Variants in CHRDL2 observed in about 807,000 individuals in gnomAD.
CHRDL2 encodes chordin-like protein 2.
CHRDL2 carries 41 observed loss-of-function variants against 54.3 expected under a neutral mutation model. The ratio of observed to expected loss-of-function variants is 0.76; its 90% confidence interval spans 0.59 to 0.98. The LOEUF is 0.98. CHRDL2 is among the 50% of genes least tolerant of loss of function. CHRDL2 has a pLI of 0.00. For synonymous variants in CHRDL2, 220 were observed against 224.3 expected (o/e 0.98, Z 0.17); for missense variants, 518 against 562.4 (o/e 0.92, Z 0.80).
Position 74,713,216 on chromosome 11 carries a change from C to T in CHRDL2, c.289+170G>A, listed in dbSNP as rs564740509. On this transcript the variant is annotated intron_variant, in intron 3 of 10. Coordinates refer to ENST00000376332, the MANE Select transcript of CHRDL2 (RefSeq NM_001278473.3). Reference sequence around the variant, plus strand: ...TAAGGACATGAAGTCTCTGCTACCCCAGCACTGCCTGGGGATCTGGGATAT... The same window carrying T: ...TAAGGACATGAAGTCTCTGCTACCCTAGCACTGCCTGGGGATCTGGGATAT... Among the ~76,000 whole-genome samples the T allele has an allele frequency of 2.6e-5, 4 of 152,338 alleles. No homozygotes were observed. In the East Asian group the frequency reaches 7.7e-4, roughly 29 times the overall value.
At chr11:74,702,281 C>T (rs2033843276) in intron 9 of CHRDL2, among the ~76,000 whole-genome samples, 1 of 151,664 alleles carries the variant, frequency 6.6e-6, no homozygotes, top group Non-Finnish European at 1.5e-5. Context: ...GAAAAAACTC[C>T]TCTTGACCTT....
chr11:74,711,070 TC>T, intron 3 of CHRDL2, 79 bp from the exon 4 acceptor site: 1 of 1,483,282 alleles, frequency 6.7e-7, no homozygotes, highest in East Asian at 2.3e-5. Context: ...AGGCCACTTT[TC>T]TGATGATTTT....
chr11:74,728,145 AG>A (rs2034599251), intron 1 of CHRDL2, among the ~76,000 whole-genome samples: 1 of 152,126 alleles, frequency 6.6e-6, no homozygotes, highest in East Asian at 1.9e-4. Flanking sequence ...AACCAAAGAG[AG>A]AATACTTTTT....
At chr11:74,722,683 C>A (rs1428046093) in intron 1 of CHRDL2, among the ~76,000 whole-genome samples, 2 of 152,174 alleles carry the variant, frequency 1.3e-5, no homozygotes, top group Non-Finnish European at 2.9e-5. Context: ...ATAGCACACA[C>A]TGAGGCCAAA....
At chr11:74,708,164 T>A in intron 5 of CHRDL2, 138 bp downstream of exon 5, 5 of 571,482 alleles carry the variant, frequency 8.7e-6, no homozygotes, top group Non-Finnish European at 1.2e-5. Context: ...GGGTGCAGGC[T>A]AAGCCACACC....
At position 74,696,489 on chromosome 11, in the gene CHRDL2, C is replaced by A; in HGVS notation, c.*20G>T. ...ATAACAACAATTATACAGCTCATAT[C>A]TGCAACTGTTAGGTCTTTGTTATGT... On this transcript the variant is annotated 3_prime_UTR_variant, in exon 11 of 11. Coordinates refer to ENST00000376332, the MANE Select transcript of CHRDL2 (RefSeq NM_001278473.3). The A allele has an allele frequency of 6.3e-7, 1 of 1,590,460 alleles. No individual in the cohort carries two copies. Among genetic ancestry groups the A allele is most frequent in the Non-Finnish European group, 8.6e-7 (1 of 1,158,506 alleles).
chr11:74,718,620 A>C, intron 2 of CHRDL2, 100 bp downstream of exon 2: 1 of 753,194 alleles, frequency 1.3e-6, no homozygotes, highest in African/African-American at 1.8e-5. Flanking sequence ...TGCCGCTGAC[A>C]GCACAGTTCT....
chr11:74,722,457 TC>T, intron 1 of CHRDL2, among the ~76,000 whole-genome samples: 1 of 152,296 alleles, frequency 6.6e-6, no homozygotes, highest in South Asian at 2.1e-4. Flanking sequence ...CTAATAACAA[TC>T]TTTACCTCTC....
At chr11:74,709,381 C>G (rs1199368384) in intron 4 of CHRDL2, among the ~76,000 whole-genome samples, 1 of 152,222 alleles carries the variant, frequency 6.6e-6, no homozygotes, top group Non-Finnish European at 1.5e-5. Flanking sequence ...CACTTACTAG[C>G]TGTGTGATCT....
intron 1 of CHRDL2, 67 bp from the exon 2 acceptor site, chr11:74,718,899 CCTT>C: frequency 3.1e-6 from 3 of 970,022 alleles, no homozygotes; most frequent in East Asian, 2.6e-5. Flanking sequence ...TCTCATTTCT[CCTT>C]CTTTCTAGCT....
At chr11:74,716,094 T>C (rs2034342986) in intron 2 of CHRDL2, among the ~76,000 whole-genome samples, 1 of 152,212 alleles carries the variant, frequency 6.6e-6, no homozygotes, top group Non-Finnish European at 1.5e-5. Context: ...ATTTGTGTTA[T>C]GAACTGGGAG....
chr11:74,702,559 C>T (rs1022198251), intron 9 of CHRDL2, among the ~76,000 whole-genome samples: 4 of 152,198 alleles, frequency 2.6e-5, no homozygotes, highest in African/African-American at 2.4e-5. Flanking sequence ...GCGCCTTCCC[C>T]CCAGGAGAGG....
At chr11:74,714,002 C>A (rs779602594) in intron 2 of CHRDL2, among the ~76,000 whole-genome samples, 2 of 152,106 alleles carry the variant, frequency 1.3e-5, no homozygotes, top group Non-Finnish European at 2.9e-5. Flanking sequence ...GGAGTTGGCA[C>A]CAGAGAAGGA....
rs760627798 is a variant in CHRDL2, at chr11:74,708,316, C to T, written c.512G>A (p.Cys171Tyr). The change falls in exon 5 of 11, where the codon TGC becomes TAC. Residue 171 changes from cysteine to tyrosine, a missense_variant. Coordinates refer to ENST00000376332, the MANE Select transcript of CHRDL2 (RefSeq NM_001278473.3). ...PAPLPLPDSC[C>Y]QACKDEASEQ... ...GACAGACTCACCTTTGCAGGCCTGG[C>T]AGCAGGAGTCTGGCAGCGGGAGGGG... 1 of 1,576,390 alleles carries T rather than the reference C, an allele frequency of 6.3e-7. No individual in the cohort carries two copies. Among genetic ancestry groups the T allele is most frequent in the Middle Eastern group, 1.9e-4 (1 of 5,348 alleles).
chr11:74,712,882 G>C (rs2034241041), intron 3 of CHRDL2, among the ~76,000 whole-genome samples: 1 of 152,098 alleles, frequency 6.6e-6, no homozygotes, highest in Non-Finnish European at 1.5e-5. Flanking sequence ...TTAAAATCAT[G>C]GAATCATAGA....
chr11:74,713,555 C>T (rs2034263180), intron 2 of CHRDL2, 76 bp from the exon 3 acceptor site: 1 of 1,116,458 alleles, frequency 9.0e-7, no homozygotes, highest in South Asian at 1.4e-5. Flanking sequence ...TCCCAAAACT[C>T]CCACCCCAAC....
rs568052910 is a variant in CHRDL2 at position 74,719,646 on chromosome 11, G to A, written c.83-814C>T. On this transcript the variant is annotated intron_variant, in intron 1 of 10. Coordinates refer to ENST00000376332, the MANE Select transcript of CHRDL2 (RefSeq NM_001278473.3). ...CTTTCAAGTATCCTTAAAAATGGTCGTTGCTACTACTGTGATTTGTGATTG... is the reference window on the plus strand; with the variant it reads ...CTTTCAAGTATCCTTAAAAATGGTCATTGCTACTACTGTGATTTGTGATTG... Among the ~76,000 whole-genome samples, 7 of 152,262 alleles carry A rather than the reference G, an allele frequency of 4.6e-5. No individual in the cohort carries two copies. In the East Asian group the frequency reaches 5.8e-4, roughly 13 times the overall value.
At position 74,710,988 on chromosome 11, in the gene CHRDL2, G is replaced by T; in HGVS notation, c.293C>A (p.Pro98His). The T allele has an allele frequency of 6.2e-6, 10 of 1,612,328 alleles. No individual in the cohort carries two copies. Among genetic ancestry groups the T allele is most frequent in the Non-Finnish European group, 8.5e-6 (10 of 1,179,012 alleles). Residue 98 changes from proline to histidine, a missense_variant, in exon 4 of 11, where the codon CCT (proline) becomes CAT (histidine). Coordinates refer to ENST00000376332, the MANE Select transcript of CHRDL2 (RefSeq NM_001278473.3). The stretch of plus-strand genomic sequence containing the variant: ...GGCCCGGAGTCCAGAGGGAGTGTGA[G>T]GTTCTGCAGTGGGGGAGGGGCAGGA... ...PQQCCPKCVE[P>H]HTPSGLRAPP... is the part of the protein sequence containing the mutation.
chr11:74,705,451 T>C (rs2033979541), intron 6 of CHRDL2, among the ~76,000 whole-genome samples: 1 of 152,196 alleles, frequency 6.6e-6, no homozygotes, highest in Admixed American at 6.5e-5. Context: ...AGTTCTCCGA[T>C]GGCCCAGAGC....
Sources: allele counts gnomAD v4.1 joint callset (sites outside exome capture counted in the v4.1 genomes callset), GRCh38; gene constraint gnomAD v4.1.1; transcripts MANE v1.5; gene names NCBI Gene and HGNC (gene_info 2026-07-23, HGNC 2026-07-21).